Variants in TSHZ2 observed in about 807,000 individuals in gnomAD.
The protein encoded by TSHZ2 is teashirt homolog 2.
In TSHZ2, 21 loss-of-function variants were observed where a neutral mutation model predicts 74.4. The observed-to-expected ratio is 0.28, with a 90% CI of 0.20 to 0.41. TSHZ2 has a LOEUF of 0.41. TSHZ2 is among the 10% of genes least tolerant of loss of function. TSHZ2 has a pLI of 1.00. For synonymous variants in TSHZ2, 540 were observed against 515.3 expected (o/e 1.05, Z -0.65); for missense variants, 1,244 against 1,293.5 (o/e 0.96, Z 0.59).
At chr20:53,406,967 A>G (rs1448495694) in intron 2 of TSHZ2, among the ~76,000 whole-genome samples, 1 of 152,136 alleles carries the variant, frequency 6.6e-6, no homozygotes, top group Non-Finnish European at 1.5e-5. Flanking sequence ...CTTTGATGCC[A>G]ACCCCAAACT....
At chr20:53,222,137 T>C (rs1053923517) in intron 1 of TSHZ2, among the ~76,000 whole-genome samples, 3 of 152,206 alleles carry the variant, frequency 2.0e-5, no homozygotes, top group African/African-American at 7.2e-5. Context: ...CTTTTTCCTA[T>C]TTCCAGGAAA....
intron 1 of TSHZ2, among the ~76,000 whole-genome samples, chr20:53,195,168 G>A (rs185697553): frequency 6.6e-5 from 10 of 152,218 alleles, no homozygotes; most frequent in Admixed American, 3.9e-4. Context: ...TGGCACACCT[G>A]GTAGAAGCAA....
intron 2 of TSHZ2, among the ~76,000 whole-genome samples, chr20:53,333,785 A>G (rs1215519419): frequency 6.6e-6 from 1 of 152,172 alleles, no homozygotes; most frequent in Non-Finnish European, 1.5e-5. Flanking sequence ...CCCTTGAGCT[A>G]CATAGCTCTT....
Position 53,493,855 on chromosome 20 carries a change from T to A in TSHZ2, c.*6720T>A, listed in dbSNP as rs1483844002. The A allele has an allele frequency of 1.3e-5, 2 of 152,242 alleles. No individual in the cohort carries two copies. The highest frequency in any genetic ancestry group is 2.9e-5 in the Non-Finnish European group (2 of 68,038). The allele number at this position is 152,242 out of a possible 1,614,324, so 9.4% of individuals were successfully genotyped here. On this transcript the variant is annotated 3_prime_UTR_variant, in exon 3 of 3. Coordinates refer to ENST00000371497, the MANE Select transcript of TSHZ2 (RefSeq NM_173485.6). ...GGATCTGGAAAATTCTTCCCTTGGC[T>A]GACCCCAATTTCTTTTACTCCCCAT...
intron 1 of TSHZ2, among the ~76,000 whole-genome samples, chr20:53,241,148 CCCTAA>C (rs1197344493): frequency 3.9e-5 from 6 of 152,160 alleles, no homozygotes; most frequent in Admixed American, 2.6e-4. Context: ...CTTAAACTAG[CCCTAA>C]CCTAAGTCGA....
chr20:53,402,799 C>G (rs887861801), intron 2 of TSHZ2, among the ~76,000 whole-genome samples: 3 of 152,238 alleles, frequency 2.0e-5, no homozygotes, highest in Admixed American at 1.3e-4. Context: ...GGTGCTTCTG[C>G]CCCAAGTGGG....
intron 1 of TSHZ2, among the ~76,000 whole-genome samples, chr20:53,006,006 TTTC>T (rs1458082105): frequency 6.6e-6 from 1 of 152,226 alleles, no homozygotes; most frequent in African/African-American, 2.4e-5. Context: ...CCTTCATTCT[TTTC>T]TTTTTTGTGA....
At chr20:53,194,245 G>A (rs1373352766) in intron 1 of TSHZ2, among the ~76,000 whole-genome samples, 2 of 152,164 alleles carry the variant, frequency 1.3e-5, no homozygotes, top group East Asian at 3.9e-4. Flanking sequence ...AATGTCCTCT[G>A]CCACTGGTAA....
At chr20:53,438,009 C>G (rs1001643597) in intron 2 of TSHZ2, among the ~76,000 whole-genome samples, 2 of 152,174 alleles carry the variant, frequency 1.3e-5, no homozygotes, top group Admixed American at 1.3e-4. Context: ...CTAAATTACC[C>G]AGTCTCGGGT....
chr20:53,095,055 C>A (rs535850729), intron 1 of TSHZ2, among the ~76,000 whole-genome samples: 1 of 152,138 alleles, frequency 6.6e-6, no homozygotes, highest in Non-Finnish European at 1.5e-5. Context: ...GAAAACCCAA[C>A]GCAAAATGGC....
chr20:53,100,598 A>G (rs574485790), intron 1 of TSHZ2, among the ~76,000 whole-genome samples: 24 of 152,278 alleles, frequency 1.6e-4, no homozygotes, highest in African/African-American at 5.5e-4. Context: ...AGTTTCTCTG[A>G]CAGCTCTGTT....
chr20:53,438,186 T>G (rs1248319436), intron 2 of TSHZ2, among the ~76,000 whole-genome samples: 1 of 151,592 alleles, frequency 6.6e-6, no homozygotes, highest in African/African-American at 2.4e-5. Flanking sequence ...CTCGGCTCAT[T>G]GCAACCTCTG....
At chr20:53,237,641 A>G (rs1462121479) in intron 1 of TSHZ2, among the ~76,000 whole-genome samples, 2 of 152,190 alleles carry the variant, frequency 1.3e-5, no homozygotes, top group Non-Finnish European at 2.9e-5. Context: ...TAAAGTGCAC[A>G]TCATTTTCCT....
At chr20:53,056,478 A>G (rs1984643795) in intron 1 of TSHZ2, among the ~76,000 whole-genome samples, 1 of 152,230 alleles carries the variant, frequency 6.6e-6, no homozygotes, top group Non-Finnish European at 1.5e-5. Context: ...TTATTTGTCA[A>G]GTAAAGAAAG....
chr20:53,360,318 G>C (rs6022418), intron 2 of TSHZ2, among the ~76,000 whole-genome samples: 1 of 152,124 alleles, frequency 6.6e-6, no homozygotes, highest in Admixed American at 6.5e-5. Context: ...TATGTCCTAA[G>C]GTGTAATTTA....
chr20:53,164,002 ACAT>A (rs1200314941), intron 1 of TSHZ2, among the ~76,000 whole-genome samples: 2 of 152,204 alleles, frequency 1.3e-5, no homozygotes, highest in Non-Finnish European at 1.5e-5. Flanking sequence ...TGTTTATGTA[ACAT>A]CATCAAGTAG....
chr20:53,463,662 T>C (rs1985471390), intron 2 of TSHZ2, among the ~76,000 whole-genome samples: 1 of 152,110 alleles, frequency 6.6e-6, no homozygotes, highest in South Asian at 2.1e-4. Flanking sequence ...TGAGGAACTT[T>C]TAAAAACCCC....
chr20:53,409,281 C>T (rs2145693512), intron 2 of TSHZ2, among the ~76,000 whole-genome samples: 1 of 151,968 alleles, frequency 6.6e-6, no homozygotes, highest in East Asian at 1.9e-4. Context: ...AAAAAATTAT[C>T]TTTCTAAACA....
intron 1 of TSHZ2, among the ~76,000 whole-genome samples, chr20:53,172,330 T>C (rs985857594): frequency 2.0e-5 from 3 of 152,356 alleles, no homozygotes; most frequent in Non-Finnish European, 2.9e-5. Flanking sequence ...TCCTCTTCAA[T>C]TGGCCAAATC....
Sources: gnomAD v4.1 joint callset for allele counts (sites outside exome capture counted in the v4.1 genomes callset) on GRCh38, gnomAD v4.1.1 for gene constraint, MANE v1.5 for transcripts, NCBI Gene and HGNC (gene_info 2026-07-23, HGNC 2026-07-21) for gene names.